The following NYAP2 variants were observed in gnomAD, a reference collection of about 807,000 sequenced individuals.
The protein encoded by NYAP2 is neuronal tyrosine-phosphorylated phosphoinositide-3-kinase adapter 2.
Under a neutral mutation model 50.4 loss-of-function variants are expected in NYAP2, and 23 were observed. That is an observed-to-expected ratio of 0.46 (90% CI 0.33 to 0.65). The LOEUF (loss-of-function observed/expected upper bound fraction) is 0.65, where lower values mean the gene tolerates loss of function less well. Among genes scored for constraint, NYAP2 ranks in the 30% least tolerant of loss-of-function variants. The probability of loss-of-function intolerance (pLI) is 0.02; values close to 1 mark genes in which losing one functional copy is unlikely to be tolerated. For synonymous variants in NYAP2, 394 were observed against 365.2 expected (o/e 1.08, Z -0.90); for missense variants, 885 against 861.0 (o/e 1.03, Z -0.35).
intron 3 of NYAP2, among the ~76,000 whole-genome samples, chr2:225,460,958 A>ACTC (rs1559186035): frequency 7.2e-6 from 1 of 139,210 alleles, no homozygotes; most frequent in African/African-American, 2.8e-5. Flanking sequence ...GCGCCACTGC[A>ACTC]CTCCTGCCTG....
intron 6 of NYAP2, among the ~76,000 whole-genome samples, chr2:225,651,176 T>G (rs1559240894): frequency 6.6e-6 from 1 of 152,186 alleles, no homozygotes; most frequent in Non-Finnish European, 1.5e-5. Flanking sequence ...AAACCAACCC[T>G]AAGTGAGGTA....
intron 5 of NYAP2, among the ~76,000 whole-genome samples, chr2:225,626,326 A>G (rs1348162248): frequency 2.6e-5 from 4 of 152,256 alleles, no homozygotes; most frequent in African/African-American, 9.6e-5. Context: ...ACAGTGGCTA[A>G]GCTAGCACCT....
At chr2:225,550,658 G>A (rs1559212013) in intron 4 of NYAP2, among the ~76,000 whole-genome samples, 1 of 152,188 alleles carries the variant, frequency 6.6e-6, no homozygotes, top group Non-Finnish European at 1.5e-5. Flanking sequence ...TGAATTATGG[G>A]AGGAATGAAA....
the NYAP2 span, among the ~76,000 whole-genome samples, chr2:225,689,542 C>T: frequency 6.6e-6 from 1 of 152,092 alleles, no homozygotes; most frequent in Non-Finnish European, 1.5e-5. Context: ...TCAAAAGCAA[C>T]TCTGAAATCA....
At chr2:225,620,403 G>A (rs1475750308) in intron 5 of NYAP2, among the ~76,000 whole-genome samples, 1 of 137,786 alleles carries the variant, frequency 7.3e-6, no homozygotes, top group Non-Finnish European at 1.6e-5. Context: ...ACGCACACAC[G>A]CGCACGCACA....
chr2:225,507,074 T>G (rs749435290), intron 3 of NYAP2, among the ~76,000 whole-genome samples: 4 of 152,194 alleles, frequency 2.6e-5, no homozygotes, highest in Non-Finnish European at 5.9e-5. Context: ...AGGCAACCCT[T>G]CAGTTTGTAT....
At chr2:225,437,232 G>A (rs933330586) in intron 3 of NYAP2, among the ~76,000 whole-genome samples, 1 of 152,094 alleles carries the variant, frequency 6.6e-6, no homozygotes, top group Non-Finnish European at 1.5e-5. Flanking sequence ...GTCATCCACA[G>A]CCACGTGGAA....
intron 6 of NYAP2, among the ~76,000 whole-genome samples, chr2:225,627,787 A>G (rs1272124228): frequency 1.3e-5 from 2 of 152,254 alleles, no homozygotes; most frequent in Non-Finnish European, 2.9e-5. Flanking sequence ...TTTAAAAAAC[A>G]GCATATGTTT....
intron 6 of NYAP2, among the ~76,000 whole-genome samples, chr2:225,628,946 T>C (rs1427053940): frequency 6.6e-6 from 1 of 152,102 alleles, no homozygotes; most frequent in Non-Finnish European, 1.5e-5. Context: ...ACAACTGCAG[T>C]ATACTGTGTG....
intron 3 of NYAP2, among the ~76,000 whole-genome samples, chr2:225,492,273 A>T (rs752013676): frequency 7.9e-5 from 12 of 152,200 alleles, no homozygotes; most frequent in Non-Finnish European, 1.3e-4. Flanking sequence ...GTATATTTAC[A>T]TTCTAAGACT....
At chr2:225,447,686 A>G (rs1342233159) in intron 3 of NYAP2, among the ~76,000 whole-genome samples, 1 of 152,226 alleles carries the variant, frequency 6.6e-6, no homozygotes, top group East Asian at 1.9e-4. Context: ...AGAGGTTGAA[A>G]TATTAAATAA....
intron 4 of NYAP2, among the ~76,000 whole-genome samples, chr2:225,552,255 GA>G (rs543352053): frequency 6.6e-6 from 1 of 152,070 alleles, no homozygotes; most frequent in South Asian, 2.1e-4. Flanking sequence ...ATATAAAAAC[GA>G]TACATGATAC....
chr2:225,496,751 G>A (rs1690513493), intron 3 of NYAP2, among the ~76,000 whole-genome samples: 1 of 151,838 alleles, frequency 6.6e-6, no homozygotes, highest in Non-Finnish European at 1.5e-5. Context: ...ATTTTAATAG[G>A]GTGGATCTTA....
chr2:225,533,395 A>C (rs189236664), intron 4 of NYAP2, among the ~76,000 whole-genome samples: 7 of 152,294 alleles, frequency 4.6e-5, no homozygotes, highest in Non-Finnish European at 8.8e-5. Flanking sequence ...GCTATCTTTA[A>C]AAGAAAGCCA....
rs140560478 is a variant in NYAP2 at position 225,604,536 on chromosome 2, A to G, written c.1618+21501A>G. ...TCTGAAACAGAGCTCCAGTTCTCAT[A>G]TGTGCCCTGTAAATATTGCTAAGAG... is the stretch of plus-strand genomic sequence containing the variant. On this transcript the variant is annotated intron_variant, in intron 5 of 6. Coordinates refer to ENST00000636099, the Ensembl canonical transcript of NYAP2. Among the ~76,000 whole-genome samples, 285 of 152,242 alleles carry G rather than the reference A, an allele frequency of 1.9e-3. 1 individual carries two copies. Among genetic ancestry groups the G allele is most frequent in the African/African-American group, 6.4e-3 (264 of 41,542 alleles).
intron 5 of NYAP2, among the ~76,000 whole-genome samples, chr2:225,607,031 A>G (rs1463697678): frequency 6.6e-6 from 1 of 152,096 alleles, no homozygotes; most frequent in Non-Finnish European, 1.5e-5. Context: ...TTTTAAGAAT[A>G]TTGGACTTCA....
intron 3 of NYAP2, among the ~76,000 whole-genome samples, chr2:225,454,339 A>G (rs1288059948): frequency 6.6e-6 from 1 of 152,168 alleles, no homozygotes; most frequent in Admixed American, 6.5e-5. Flanking sequence ...TCAAAAAACA[A>G]AACAAAAACA....
chr2:225,582,295 C>A lies in NYAP2; in HGVS notation c.878C>A (p.Ser293Tyr). The change falls in exon 5 of 7, where the codon TCT becomes TAT. Residue 293 changes from serine (S) to tyrosine (Y), a missense_variant. Transcript: ENST00000636099. This position sits in a 1 kb window ranked among gnomAD's most constrained non-coding sequence, Gnocchi z 7.0. ...TGTGACTTCGACCATCACAGCTGTT[C>A]TTCGCAGTGTGCTACTCCCACGGTG... 3 of 1,614,022 alleles carry A rather than the reference C, an allele frequency of 1.9e-6. No homozygotes were observed. The highest frequency in any genetic ancestry group is 8.5e-7 in the Non-Finnish European group (1 of 1,179,898).
At chr2:225,611,308 C>A (rs77898455) in intron 5 of NYAP2, among the ~76,000 whole-genome samples, 15,937 of 152,076 alleles carry the variant, frequency 0.1, 952 homozygotes, top group South Asian at 0.13. Context: ...TGTGTGTTTT[C>A]CATGTATCCC....
Sources: gnomAD v4.1 joint callset for allele counts (sites outside exome capture counted in the v4.1 genomes callset) on GRCh38, gnomAD v4.1.1 for gene constraint, Gnocchi (gnomAD v3.1) non-coding constraint, MANE v1.5 for transcripts, NCBI Gene and HGNC (gene_info 2026-07-23, HGNC 2026-07-21) for gene names.